VAT1L: variants seen among roughly 807,000 people sequenced by gnomAD.
VAT1L encodes the protein putative NADPH-dependent quinone oxidoreductase VAT1L.
Under a neutral mutation model 44.1 loss-of-function variants are expected in VAT1L, and 34 were observed. The observed-to-expected ratio is 0.77, with a 90% confidence interval of 0.59 to 1.03. The LOEUF (loss-of-function observed/expected upper bound fraction) is 1.03. Among genes scored for constraint, VAT1L ranks in the 50% least tolerant of loss-of-function variants. The probability of loss-of-function intolerance (pLI) is 0.00; values close to 1 mark genes in which losing one functional copy is unlikely to be tolerated. For missense variants in VAT1L, 615 were observed against 538.8 expected (o/e 1.14, Z -1.40); for synonymous variants, 253 against 202.2 (o/e 1.25, Z -2.13).
At chr16:77,904,204 T>G (rs1255578737) in intron 7 of VAT1L, among the ~76,000 whole-genome samples, 1 of 151,464 alleles carries the variant, frequency 6.6e-6, no homozygotes, top group Non-Finnish European at 1.5e-5. Context: ...TTTTTTTCCA[T>G]TAAAGGCACC....
intron 1 of VAT1L, among the ~76,000 whole-genome samples, chr16:77,793,868 C>G (rs751260194): frequency 2.6e-5 from 4 of 152,148 alleles, no homozygotes; most frequent in Non-Finnish European, 5.9e-5. Flanking sequence ...AGGGAAGGAA[C>G]AAACATGTAT....
chr16:77,805,740 C>T (rs967593977), intron 1 of VAT1L, among the ~76,000 whole-genome samples: 10 of 152,032 alleles, frequency 6.6e-5, no homozygotes, highest in African/African-American at 2.4e-4. Flanking sequence ...TGATCTCCGA[C>T]TTCCCACAGA....
intron 7 of VAT1L, among the ~76,000 whole-genome samples, chr16:77,890,330 G>A (rs2017251259): frequency 1.3e-5 from 2 of 152,104 alleles, no homozygotes; most frequent in South Asian, 2.1e-4. Flanking sequence ...AGGAGAGGAA[G>A]TAAGATTTGT....
At chr16:77,795,652 G>A (rs1386202121) in intron 1 of VAT1L, among the ~76,000 whole-genome samples, 3 of 152,050 alleles carry the variant, frequency 2.0e-5, no homozygotes, top group African/African-American at 7.2e-5. Context: ...CCACCAAGTT[G>A]GTCAACTAGC....
At chr16:77,952,230 C>G (rs954791349) in intron 7 of VAT1L, among the ~76,000 whole-genome samples, 6 of 152,154 alleles carry the variant, frequency 3.9e-5, no homozygotes, top group African/African-American at 7.2e-5. Context: ...AAGGTAAATG[C>G]TCTAAGGGAG....
intron 7 of VAT1L, among the ~76,000 whole-genome samples, chr16:77,956,421 T>C (rs2018104074): frequency 6.6e-6 from 1 of 152,182 alleles, no homozygotes; most frequent in African/African-American, 2.4e-5. Context: ...TGCAATGAAA[T>C]GAGGTCATGC....
chr16:77,908,831 G>A (rs552132572), intron 7 of VAT1L, among the ~76,000 whole-genome samples: 2 of 151,760 alleles, frequency 1.3e-5, no homozygotes, highest in Non-Finnish European at 2.9e-5. Context: ...GGAGCACGGC[G>A]TGAACCCGGG....
chr16:77,860,045 CAT>C (rs2016900397), intron 3 of VAT1L, among the ~76,000 whole-genome samples: 2 of 152,104 alleles, frequency 1.3e-5, no homozygotes, highest in South Asian at 4.1e-4. Context: ...CACAGAGTGT[CAT>C]AGAGAGAAGA....
chr16:77,833,596 C>A (rs1261429118), intron 3 of VAT1L, among the ~76,000 whole-genome samples: 2 of 151,768 alleles, frequency 1.3e-5, no homozygotes, highest in African/African-American at 4.8e-5. Flanking sequence ...ACTACAAATA[C>A]AAAAATTAGC....
At chr16:77,830,378 C>A (rs1016018346) in intron 3 of VAT1L, among the ~76,000 whole-genome samples, 12 of 152,086 alleles carry the variant, frequency 7.9e-5, no homozygotes, top group African/African-American at 2.7e-4. Context: ...ATAGGAGAAT[C>A]CTTACAGCCT....
intron 3 of VAT1L, among the ~76,000 whole-genome samples, chr16:77,855,472 C>T (rs1448973978): frequency 1.3e-5 from 2 of 152,108 alleles, no homozygotes; most frequent in Non-Finnish European, 2.9e-5. Context: ...GACATGCCCA[C>T]ACACTCCACT....
chr16:77,945,028 T>C (rs768587469), intron 7 of VAT1L, among the ~76,000 whole-genome samples: 6 of 152,208 alleles, frequency 3.9e-5, no homozygotes, highest in Admixed American at 6.5e-5. Context: ...AGGCTAATTA[T>C]AGACTCACCA....
intron 2 of VAT1L, among the ~76,000 whole-genome samples, chr16:77,820,592 C>A (rs1213166228): frequency 1.3e-5 from 2 of 152,100 alleles, no homozygotes; most frequent in African/African-American, 4.8e-5. Context: ...TTAGCAACAC[C>A]AAGAAGATGG....
chr16:77,895,647 A>T (rs2017316203), intron 7 of VAT1L, among the ~76,000 whole-genome samples: 1 of 152,230 alleles, frequency 6.6e-6, no homozygotes, highest in Non-Finnish European at 1.5e-5. Context: ...AGACAATTTC[A>T]GGCTTCTGAT....
intron 7 of VAT1L, among the ~76,000 whole-genome samples, chr16:77,897,766 C>A (rs531607902): frequency 6.6e-6 from 1 of 152,194 alleles, no homozygotes; most frequent in African/African-American, 2.4e-5. Context: ...TGAGCCACTG[C>A]GCCCAGCCCA....
At chr16:77,958,074 A>T (rs1414203028) in intron 7 of VAT1L, among the ~76,000 whole-genome samples, 1 of 151,922 alleles carries the variant, frequency 6.6e-6, no homozygotes, top group Non-Finnish European at 1.5e-5. Context: ...GTCCTGGTTA[A>T]TTTTTTTATT....
chr16:77,873,886 G>C (rs954609225), intron 4 of VAT1L, among the ~76,000 whole-genome samples: 1 of 152,140 alleles, frequency 6.6e-6, no homozygotes, highest in Admixed American at 6.5e-5. Context: ...ACAATCAAAA[G>C]GCCAAATGCC....
chr16:77,877,303 G>A lies in VAT1L; in HGVS notation c.826+830G>A, dbSNP rs939119944. ...AGGCGGGCGGATCATGAGGTCAGGA[G>A]ATCGAGACCATCCTGGCTAACATGG... On this transcript the variant is annotated intron_variant, in intron 5 of 8. Transcript: ENST00000302536. Among the ~76,000 whole-genome samples, 11 of 152,014 alleles carry A rather than the reference G, an allele frequency of 7.2e-5. No homozygotes were observed. The East Asian group carries it at 2.1e-3, about 29-fold the overall frequency.
chr16:77,946,741 C>T (rs1168356748), intron 7 of VAT1L, among the ~76,000 whole-genome samples: 3 of 152,224 alleles, frequency 2.0e-5, no homozygotes, highest in African/African-American at 7.2e-5. Flanking sequence ...ACCTCCCCAA[C>T]TTACCAAACT....
Sources: gnomAD v4.1 joint callset for allele counts (sites outside exome capture counted in the v4.1 genomes callset) on GRCh38, gnomAD v4.1.1 for gene constraint, MANE v1.5 for transcripts, NCBI Gene and HGNC (gene_info 2026-07-23, HGNC 2026-07-21) for gene names.